The following CRPPA variants were observed in gnomAD, a reference collection of about 807,000 sequenced individuals.
The protein encoded by CRPPA is CDP-L-ribitol pyrophosphorylase A, also known as D-ribitol-5-phosphate cytidylyltransferase.
CRPPA carries 43 observed loss-of-function variants against 52.0 expected under a neutral mutation model. The ratio of observed to expected loss-of-function variants is 0.83; its 90% confidence interval spans 0.65 to 1.07. CRPPA has a LOEUF of 1.07. CRPPA is among the 50% of genes least tolerant of loss of function. CRPPA has a pLI of 0.00. For missense variants in CRPPA, 629 were observed against 551.7 expected (o/e 1.14, Z -1.40); for synonymous variants, 250 against 203.5 (o/e 1.23, Z -1.94).
intron 2 of CRPPA, among the ~76,000 whole-genome samples, chr7:16,390,548 C>G (rs1787414919): frequency 6.6e-6 from 1 of 152,162 alleles, no homozygotes; most frequent in South Asian, 2.1e-4. Flanking sequence ...CAACCACACC[C>G]TCTCATCTTC....
chr7:16,402,707 A>G (rs1484453980), intron 2 of CRPPA, among the ~76,000 whole-genome samples: 1 of 152,150 alleles, frequency 6.6e-6, no homozygotes, highest in Admixed American at 6.5e-5. Context: ...GCTAAAAAAA[A>G]AAAAATGAGA....
At chr7:16,265,504 G>A (rs1218619429) in intron 6 of CRPPA, among the ~76,000 whole-genome samples, 6 of 152,158 alleles carry the variant, frequency 3.9e-5, no homozygotes, top group Non-Finnish European at 8.8e-5. Context: ...TGAGTCCAAG[G>A]ACATTTCCCA....
At chr7:16,249,722 G>T (rs1487447417) in intron 8 of CRPPA, among the ~76,000 whole-genome samples, 1 of 152,146 alleles carries the variant, frequency 6.6e-6, no homozygotes, top group African/African-American at 2.4e-5. Flanking sequence ...ACCCCATCCG[G>T]AGGTCACCAA....
intron 6 of CRPPA, among the ~76,000 whole-genome samples, chr7:16,265,745 A>G (rs537088124): frequency 6.6e-6 from 1 of 152,226 alleles, no homozygotes; most frequent in Non-Finnish European, 1.5e-5. Flanking sequence ...TTGAGGCTTT[A>G]TAACTTGCCA....
intron 3 of CRPPA, among the ~76,000 whole-genome samples, chr7:16,338,874 G>T (rs1172596805): frequency 2.0e-5 from 3 of 148,504 alleles, no homozygotes; most frequent in African/African-American, 7.5e-5. Flanking sequence ...GGAGTGCAGT[G>T]GCATGATCTC....
intron 9 of CRPPA, among the ~76,000 whole-genome samples, chr7:16,157,028 G>C (rs1482055038): frequency 2.0e-5 from 3 of 151,908 alleles, no homozygotes; most frequent in South Asian, 2.1e-4. Context: ...TTTTTGTTTT[G>C]TTACTCCCAA....
intron 9 of CRPPA, among the ~76,000 whole-genome samples, chr7:16,202,725 G>A (rs1406922316): frequency 4.6e-5 from 7 of 152,250 alleles, no homozygotes; most frequent in East Asian, 3.9e-4. Flanking sequence ...GGAAAGACAC[G>A]AATGTGATAA....
At chr7:16,322,726 G>A (rs939858797) in intron 3 of CRPPA, among the ~76,000 whole-genome samples, 12 of 152,124 alleles carry the variant, frequency 7.9e-5, no homozygotes, top group African/African-American at 2.9e-4. Flanking sequence ...AGTATTCAAT[G>A]TGATTATTCC....
chr7:16,356,366 C>T (rs186999686), intron 3 of CRPPA, among the ~76,000 whole-genome samples: 6 of 152,308 alleles, frequency 3.9e-5, no homozygotes, highest in Admixed American at 3.3e-4. Flanking sequence ...TTCCACATTT[C>T]CTGCTCTTAT....
intron 3 of CRPPA, among the ~76,000 whole-genome samples, chr7:16,318,745 C>T (rs1178485646): frequency 6.6e-6 from 1 of 152,156 alleles, no homozygotes; most frequent in African/African-American, 2.4e-5. Context: ...ACATTTGGCC[C>T]TCCACCTATA....
At chr7:16,127,080 T>C (rs1167595269) in intron 9 of CRPPA, among the ~76,000 whole-genome samples, 2 of 152,192 alleles carry the variant, frequency 1.3e-5, no homozygotes, top group African/African-American at 2.4e-5. Flanking sequence ...TATACTAGGC[T>C]TTCAAGTTTC....
chr7:16,184,405 T>G (rs1206741171), intron 9 of CRPPA, among the ~76,000 whole-genome samples: 1 of 152,206 alleles, frequency 6.6e-6, no homozygotes, highest in Non-Finnish European at 1.5e-5. Flanking sequence ...CATATTTATT[T>G]TGTAGAACAA....
At chr7:16,093,490 G>A (rs1781878379) in intron 9 of CRPPA, among the ~76,000 whole-genome samples, 1 of 152,118 alleles carries the variant, frequency 6.6e-6, no homozygotes, top group Admixed American at 6.6e-5. Flanking sequence ...TGCTTAAAGT[G>A]CTCTTTTCTA....
chr7:16,132,522 T>C (rs1309136344), intron 9 of CRPPA, among the ~76,000 whole-genome samples: 3 of 124,410 alleles, frequency 2.4e-5, no homozygotes, highest in African/African-American at 7.8e-5. Context: ...GAGAAGTATA[T>C]GTTTTAATGA....
At chr7:16,344,506 A>T (rs1317130876) in intron 3 of CRPPA, among the ~76,000 whole-genome samples, 2 of 151,960 alleles carry the variant, frequency 1.3e-5, no homozygotes, top group East Asian at 1.9e-4. Context: ...GGCTACAGTG[A>T]ATTATGATCA....
At chr7:16,259,151 AGTT>A in intron 6 of CRPPA, 139 bp from the exon 7 acceptor site, 1 of 544,466 alleles carries the variant, frequency 1.8e-6, no homozygotes, top group Non-Finnish European at 3.2e-6. Flanking sequence ...AACATGCTGA[AGTT>A]CATCAGGCTA....
At chr7:16,393,873 T>C (rs767579081) in intron 2 of CRPPA, among the ~76,000 whole-genome samples, 20 of 151,972 alleles carry the variant, frequency 1.3e-4, no homozygotes, top group Non-Finnish European at 2.6e-4. Flanking sequence ...AGCTTAAAAA[T>C]AAAAATAGGG....
chr7:16,270,750 G>C (rs1784071855), intron 6 of CRPPA: 1 of 152,076 alleles, frequency 6.6e-6, no homozygotes, highest in South Asian at 2.1e-4. Flanking sequence ...GTATTCAGGT[G>C]CAAACAAATG....
At chr7:16,329,436 T>G (rs1448766607) in intron 3 of CRPPA, among the ~76,000 whole-genome samples, 3 of 152,322 alleles carry the variant, frequency 2.0e-5, no homozygotes, top group African/African-American at 7.2e-5. Context: ...CTAGATTATC[T>G]GGTAATGTAT....
Sources: allele counts gnomAD v4.1 joint callset (sites outside exome capture counted in the v4.1 genomes callset), GRCh38; gene constraint gnomAD v4.1.1; transcripts MANE v1.5; gene names NCBI Gene and HGNC (gene_info 2026-07-23, HGNC 2026-07-21).